Variants in TEX26 observed in about 807,000 individuals in gnomAD.
The protein encoded by TEX26 is testis expressed 26, also known as testis-expressed protein 26.
A neutral mutation model predicts 35.3 loss-of-function variants in TEX26; 34 were observed. The observed-to-expected ratio is 0.96, with a 90% CI of 0.73 to 1.28. TEX26 has a LOEUF of 1.28. Ranked by LOEUF, TEX26 falls within the 50% of genes most tolerant of loss-of-function variation. The pLI, the probability that TEX26 is intolerant of heterozygous loss-of-function variation, is 0.00. For synonymous variants in TEX26, 136 were observed against 111.8 expected (o/e 1.22, Z -1.36); for missense variants, 371 against 330.1 (o/e 1.12, Z -0.96).
chr13:30,937,031 C>T (rs1340573303), intron 1 of TEX26: 9 of 973,202 alleles, frequency 9.2e-6, no homozygotes, highest in African/African-American at 1.8e-5. Flanking sequence ...AAATCATTAA[C>T]ATGAAATTAA....
At chr13:30,949,716 T>A (rs888176903) in intron 2 of TEX26, among the ~76,000 whole-genome samples, 2 of 152,058 alleles carry the variant, frequency 1.3e-5, no homozygotes, top group Non-Finnish European at 2.9e-5. Flanking sequence ...GTGAAGAGTA[T>A]AATAAAAAGC....
intron 1 of TEX26, among the ~76,000 whole-genome samples, chr13:30,935,294 C>A (rs1953231584): frequency 6.6e-6 from 1 of 152,212 alleles, no homozygotes; most frequent in African/African-American, 2.4e-5. Flanking sequence ...CCCAGTAAGG[C>A]CCCACCCTCT....
chr13:30,938,265 G>A (rs1470744008), intron 1 of TEX26, among the ~76,000 whole-genome samples: 1 of 152,166 alleles, frequency 6.6e-6, no homozygotes, highest in African/African-American at 2.4e-5. Context: ...TTGACAATGG[G>A]AAGTTGGGGC....
chr13:30,959,226 G>A (rs1448969017), intron 4 of TEX26, among the ~76,000 whole-genome samples: 2 of 152,082 alleles, frequency 1.3e-5, no homozygotes, highest in East Asian at 3.9e-4. Context: ...ATTACTTACA[G>A]GCATATAAAG....
intron 2 of TEX26, among the ~76,000 whole-genome samples, chr13:30,950,882 A>C (rs747562515): frequency 1.1e-4 from 16 of 152,240 alleles, no homozygotes; most frequent in Non-Finnish European, 1.9e-4. Context: ...TGCACCATAG[A>C]AAAAGCCTGT....
intron 1 of TEX26, among the ~76,000 whole-genome samples, chr13:30,935,777 T>A (rs1380207057): frequency 6.6e-6 from 1 of 152,232 alleles, no homozygotes; most frequent in Admixed American, 6.5e-5. Flanking sequence ...CTCCGAGCTG[T>A]TCTAACACTA....
At chr13:30,967,465 T>C (rs1566167012) in intron 5 of TEX26, among the ~76,000 whole-genome samples, 1 of 152,212 alleles carries the variant, frequency 6.6e-6, no homozygotes, top group Non-Finnish European at 1.5e-5. Flanking sequence ...TTGCTAAACT[T>C]CTAGCCACTG....
intron 2 of TEX26, among the ~76,000 whole-genome samples, chr13:30,945,452 G>A (rs924313213): frequency 4.0e-5 from 6 of 151,554 alleles, no homozygotes; most frequent in African/African-American, 1.5e-4. Context: ...TATGTTCAAT[G>A]TTCATAGTGA....
chr13:30,935,933 G>A (rs997049125), intron 1 of TEX26, among the ~76,000 whole-genome samples: 1 of 152,212 alleles, frequency 6.6e-6, no homozygotes. Context: ...CATTACTCCA[G>A]GTCTCTGTCT....
intron 5 of TEX26, 63 bp from the exon 6 acceptor site, chr13:30,968,822 G>T: frequency 6.6e-7 from 1 of 1,526,314 alleles, no homozygotes; most frequent in Admixed American, 1.9e-5. Context: ...CAAACAATAA[G>T]GGCAAGACTG....
intron 1 of TEX26, among the ~76,000 whole-genome samples, chr13:30,935,474 A>G (rs1417846059): frequency 6.6e-6 from 1 of 152,208 alleles, no homozygotes; most frequent in Non-Finnish European, 1.5e-5. Context: ...AGGGAAGAGG[A>G]CAGCAGCCAG....
chr13:30,968,448 C>A (rs1954612276), intron 5 of TEX26, among the ~76,000 whole-genome samples: 1 of 152,206 alleles, frequency 6.6e-6, no homozygotes, highest in South Asian at 2.1e-4. Context: ...CGGGTCACCC[C>A]ACTCTCAAAG....
chr13:30,968,777 C>A (rs1010056871), intron 5 of TEX26, 108 bp from the exon 6 acceptor site: 41 of 1,042,222 alleles, frequency 3.9e-5, no homozygotes, highest in Non-Finnish European at 5.0e-5. Context: ...GCTGCCTAAG[C>A]TCAAAGCTGG....
chr13:30,956,782 C>A (rs1227843160), intron 3 of TEX26, 91 bp from the exon 4 acceptor site: 4 of 1,213,248 alleles, frequency 3.3e-6, no homozygotes, highest in Non-Finnish European at 4.7e-6. Context: ...GTAAAGGATT[C>A]TGAAGAATAT....
At chr13:30,962,044 C>T (rs1954364474) in intron 4 of TEX26, among the ~76,000 whole-genome samples, 1 of 152,172 alleles carries the variant, frequency 6.6e-6, no homozygotes, top group South Asian at 2.1e-4. Flanking sequence ...CAACTCATCT[C>T]CTTCCCCCGG....
chr13:30,940,615 G>A (rs532798081), intron 2 of TEX26, among the ~76,000 whole-genome samples: 1 of 152,256 alleles, frequency 6.6e-6, no homozygotes, highest in African/African-American at 2.4e-5. Flanking sequence ...TTACAGGCGT[G>A]AGCCACCACA....
At chr13:30,947,952 A>C (rs1216972658) in intron 2 of TEX26, among the ~76,000 whole-genome samples, 1 of 151,192 alleles carries the variant, frequency 6.6e-6, no homozygotes, top group Non-Finnish European at 1.5e-5. Flanking sequence ...ATGTGTTCTC[A>C]TTGTTCAATT....
At chr13:30,957,313 A>T (rs895820749) in intron 4 of TEX26, among the ~76,000 whole-genome samples, 9 of 152,112 alleles carry the variant, frequency 5.9e-5, no homozygotes, top group Non-Finnish European at 1.5e-5. Flanking sequence ...CCAGGCAAAG[A>T]GGTAGGGGAG....
chr13:30,970,895 C>T (rs532282031), intron 6 of TEX26, among the ~76,000 whole-genome samples: 45 of 152,310 alleles, frequency 3.0e-4, no homozygotes, highest in Admixed American at 1.2e-3. Flanking sequence ...ATGGGGTTTT[C>T]CTCCCCAGAC....
Sources: allele counts gnomAD v4.1 joint callset (sites outside exome capture counted in the v4.1 genomes callset), GRCh38; gene constraint gnomAD v4.1.1; transcripts MANE v1.5; gene names NCBI Gene and HGNC (gene_info 2026-07-23, HGNC 2026-07-21).